Variants in MAP4K5 observed in about 807,000 individuals in gnomAD.
The protein encoded by MAP4K5 is mitogen-activated protein kinase kinase kinase kinase 5, also known as MAPK/ERK kinase kinase kinase 5.
Under a neutral mutation model 135.6 loss-of-function variants are expected in MAP4K5, and 82 were observed. The observed-to-expected ratio is 0.60, with a 90% CI of 0.51 to 0.73. MAP4K5 has a LOEUF of 0.73. MAP4K5 is among the 30% of genes least tolerant of loss of function. MAP4K5 has a pLI of 0.00. For missense variants in MAP4K5, 907 were observed against 1,010.9 expected, an observed-to-expected ratio of 0.90 and a Z score of 1.39; for synonymous variants, 347 against 335.0, an observed-to-expected ratio of 1.04 and a Z score of -0.39.
chr14:50,481,601 A>T (rs8008522), intron 6 of MAP4K5, among the ~76,000 whole-genome samples: 3,539 of 152,276 alleles, frequency 0.023, 126 homozygotes, highest in African/African-American at 0.08. Flanking sequence ...CCCTCCTGCA[A>T]ATTTAAATGC....
Position 50,428,731 on chromosome 14 carries a change from G to T in MAP4K5, c.2257C>A (p.Gln753Lys). The T allele has an allele frequency of 1.4e-6, 2 of 1,480,522 alleles. No homozygotes were observed. Among genetic ancestry groups the T allele is most frequent in the Non-Finnish European group, 1.8e-6 (2 of 1,108,142 alleles). The allele number at this position is 1,480,522 out of a possible 1,614,324, so 91.7% of individuals were successfully genotyped here. A position where few individuals can be genotyped will look rare whatever the true frequency, so the allele number is the denominator to read the frequency against. ...LDKFVKIVNLQGKLKSSKKLA... is the reference protein window; with the variant it reads ...LDKFVKIVNLKGKLKSSKKLA... ...TTCTTACTTGATTTTAATTTTCCTTGTAGATTTACAATTTTCACAAATTCT... is the reference window on the plus strand; with the variant it reads ...TTCTTACTTGATTTTAATTTTCCTTTTAGATTTACAATTTTCACAAATTCT... Residue 753 changes from glutamine (Q) to lysine (K), a missense_variant, in exon 30 of 33, where the codon CAA becomes AAA. Transcript: ENST00000682126.
chr14:50,460,250 G>T (rs963108163), intron 13 of MAP4K5, among the ~76,000 whole-genome samples: 4 of 152,018 alleles, frequency 2.6e-5, no homozygotes, highest in Non-Finnish European at 4.4e-5. Context: ...TGGTACTTCT[G>T]AATTTCCTTT....
intron 23 of MAP4K5, among the ~76,000 whole-genome samples, chr14:50,439,212 C>T (rs576940645): frequency 6.6e-6 from 1 of 150,980 alleles, no homozygotes; most frequent in African/African-American, 2.4e-5. Context: ...AAAATCTCTA[C>T]TAGAGAGAAA....
At chr14:50,442,660 G>C in intron 21 of MAP4K5, 72 bp downstream of exon 21, 2 of 1,070,442 alleles carry the variant, frequency 1.9e-6, no homozygotes, top group Non-Finnish European at 2.8e-6. Context: ...ACAACTTCAA[G>C]TCACTGATCA....
intron 1 of MAP4K5, among the ~76,000 whole-genome samples, chr14:50,545,579 A>G (rs552119745): frequency 1.3e-5 from 2 of 152,350 alleles, no homozygotes; most frequent in Admixed American, 1.3e-4. Flanking sequence ...GTTAAAGTAC[A>G]ATAAGAATAG....
intron 2 of MAP4K5, among the ~76,000 whole-genome samples, chr14:50,525,376 CT>C (rs1159431973): frequency 6.6e-6 from 1 of 152,218 alleles, no homozygotes; most frequent in Non-Finnish European, 1.5e-5. Context: ...TTTTGATCAT[CT>C]TCTAAATATG....
intron 2 of MAP4K5, among the ~76,000 whole-genome samples, chr14:50,539,914 T>C (rs2038539682): frequency 6.6e-6 from 1 of 152,202 alleles, no homozygotes; most frequent in Non-Finnish European, 1.5e-5. Context: ...TTTAGGGAGA[T>C]GGGATGTTGG....
chr14:50,420,576 A>C (rs1232432845), intron 32 of MAP4K5, among the ~76,000 whole-genome samples: 2 of 152,304 alleles, frequency 1.3e-5, no homozygotes, highest in African/African-American at 2.4e-5. Context: ...AGGATGCAGG[A>C]AACTGTGATT....
At chr14:50,521,374 A>G (rs919921852) in intron 2 of MAP4K5, among the ~76,000 whole-genome samples, 1 of 152,222 alleles carries the variant, frequency 6.6e-6, no homozygotes, top group Admixed American at 6.5e-5. Context: ...CTATGTGTAG[A>G]GTAGTGAATT....
intron 28 of MAP4K5, among the ~76,000 whole-genome samples, chr14:50,433,601 T>C (rs1363560849): frequency 6.6e-6 from 1 of 152,178 alleles, no homozygotes; most frequent in Non-Finnish European, 1.5e-5. Flanking sequence ...CTATAAATGA[T>C]CAAAAGCCAA....
Position 50,464,100 on chromosome 14 carries a change from T to C in MAP4K5, c.771A>G (p.Ala257=), listed in dbSNP as rs767435812. The change falls in exon 12 of 33, where the codon GCA becomes GCG. Residue 257 remains alanine, a synonymous_variant. Transcript: ENST00000682126. ...GTCTTTTTTTTGGGTTTTTGGTTAG[T>C]GCTATTTTGACAAAATTATGGAATG... ...SSTFHNFVKI[A]LTKNPKKRPT... is the part of the protein sequence containing the mutation. 1.9e-6 allele frequency: 3 copies of C among 1,545,064 alleles called. No individual in the cohort carries two copies. Among genetic ancestry groups the C allele is most frequent in the African/African-American group, 1.4e-5 (1 of 72,986 alleles).
At chr14:50,528,336 G>C (rs2038311671) in intron 2 of MAP4K5, among the ~76,000 whole-genome samples, 1 of 140,484 alleles carries the variant, frequency 7.1e-6, no homozygotes, top group African/African-American at 2.6e-5. Context: ...GAACATAAAA[G>C]TAAATTACGA....
intron 1 of MAP4K5, chr14:50,559,695 C>CA (rs907552205): frequency 4.6e-5 from 7 of 153,322 alleles, no homozygotes; most frequent in African/African-American, 1.7e-4. Flanking sequence ...TATACATATA[C>CA]AAAAATGCAT....
rs573883212 is a variant in MAP4K5, at chr14:50,422,017, G to A, written c.2453+1104C>T. 8.1e-4 allele frequency among the ~76,000 whole-genome samples: 123 copies of A among 151,708 alleles called. 1 individual carries two copies. The highest frequency in any genetic ancestry group is 1.6e-3 in the Non-Finnish European group (107 of 67,920). On this transcript the variant is annotated intron_variant, in intron 32 of 32. Coordinates refer to ENST00000682126, the MANE Select transcript of MAP4K5 (RefSeq NM_006575.6). ...AGCAATTCTCCTGCTTCAACCTTCC[G>A]AGTAGCTGGGATTACAGGGACACGC...
intron 8 of MAP4K5, 91 bp downstream of exon 8, chr14:50,476,037 T>C: frequency 1.5e-6 from 1 of 679,358 alleles, no homozygotes; most frequent in Non-Finnish European, 2.4e-6. Context: ...GAAATCTGCA[T>C]AATGTTAATT....
intron 1 of MAP4K5, among the ~76,000 whole-genome samples, chr14:50,553,775 A>G (rs1367546379): frequency 1.3e-5 from 2 of 152,248 alleles, no homozygotes; most frequent in African/African-American, 2.4e-5. Context: ...TCAGCCATAA[A>G]ACAGAACAAA....
intron 3 of MAP4K5, among the ~76,000 whole-genome samples, chr14:50,486,888 A>AT (rs1441782834): frequency 6.6e-6 from 1 of 152,200 alleles, no homozygotes; most frequent in East Asian, 1.9e-4. Context: ...ACTAAAAAAA[A>AT]GTTCAGTGGT....
intron 6 of MAP4K5, 106 bp downstream of exon 6, chr14:50,482,255 G>GACTATCT (rs2037260275): frequency 3.4e-6 from 2 of 596,972 alleles, no homozygotes; most frequent in East Asian, 6.8e-5. Context: ...CTTTAAGGTA[G>GACTATCT]ACTATCATTT....
intron 3 of MAP4K5, among the ~76,000 whole-genome samples, chr14:50,500,832 AT>A (rs2037691205): frequency 6.6e-6 from 1 of 152,206 alleles, no homozygotes; most frequent in Admixed American, 6.5e-5. Flanking sequence ...TAATGCCTAC[AT>A]TTGTGGATGG....
Sources: allele counts gnomAD v4.1 joint callset (sites outside exome capture counted in the v4.1 genomes callset), GRCh38; gene constraint gnomAD v4.1.1; transcripts MANE v1.5; gene names NCBI Gene and HGNC (gene_info 2026-07-23, HGNC 2026-07-21).